PALM2AKAP2: variants seen among roughly 807,000 people sequenced by gnomAD.
PALM2AKAP2 encodes the protein PALM2-AKAP2 fusion protein.
In PALM2AKAP2, 37 loss-of-function variants were observed where a neutral mutation model predicts 71.5. The observed-to-expected ratio is 0.52, with a 90% CI of 0.40 to 0.68. The LOEUF is 0.68. PALM2AKAP2 is among the 30% of genes least tolerant of loss of function. PALM2AKAP2 has a pLI of 0.00. For missense variants in PALM2AKAP2, 1,224 were observed against 1,191.8 expected, an observed-to-expected ratio of 1.03 and a Z score of -0.40; for synonymous variants, 468 against 478.8, an observed-to-expected ratio of 0.98 and a Z score of 0.29.
chr9:110,001,138 T>C (rs1334799716), intron 6 of PALM2AKAP2, among the ~76,000 whole-genome samples: 1 of 152,266 alleles, frequency 6.6e-6, no homozygotes, highest in African/African-American at 2.4e-5. Flanking sequence ...AGAGTTTTTA[T>C]GGTTTTAGGT....
At chr9:109,967,690 G>A (rs753999852) in intron 6 of PALM2AKAP2, among the ~76,000 whole-genome samples, 25 of 152,332 alleles carry the variant, frequency 1.6e-4, no homozygotes, top group African/African-American at 4.1e-4. Flanking sequence ...GGTTACAGGC[G>A]TGAGCCACCG....
At chr9:109,680,423 C>A (rs1018238437) in intron 1 of PALM2AKAP2, among the ~76,000 whole-genome samples, 1 of 152,204 alleles carries the variant, frequency 6.6e-6, no homozygotes, top group African/African-American at 2.4e-5. Flanking sequence ...TGTCTTTGGA[C>A]ATTAACTCAA....
intron 3 of PALM2AKAP2, among the ~76,000 whole-genome samples, chr9:109,909,187 G>T: frequency 6.6e-6 from 1 of 152,206 alleles, no homozygotes; most frequent in Non-Finnish European, 1.5e-5. Flanking sequence ...CACACCTGGG[G>T]TTAGATGAAA....
intron 3 of PALM2AKAP2, among the ~76,000 whole-genome samples, chr9:109,885,838 C>G (rs1288889448): frequency 1.3e-5 from 2 of 152,190 alleles, no homozygotes; most frequent in Non-Finnish European, 2.9e-5. Flanking sequence ...TGATCCAGGT[C>G]AGGAAAACTG....
chr9:110,024,048 G>C (rs962756060), intron 7 of PALM2AKAP2, among the ~76,000 whole-genome samples: 1 of 151,966 alleles, frequency 6.6e-6, no homozygotes, highest in Non-Finnish European at 1.5e-5. Context: ...TCATTTTTCT[G>C]TTTCATTTTT....
At chr9:109,699,356 C>A (rs1828019452) in intron 1 of PALM2AKAP2, among the ~76,000 whole-genome samples, 1 of 152,184 alleles carries the variant, frequency 6.6e-6, no homozygotes, top group African/African-American at 2.4e-5. Context: ...GAAACTAGTT[C>A]TTGCCATTGG....
intron 1 of PALM2AKAP2, among the ~76,000 whole-genome samples, chr9:109,643,231 C>T (rs926258716): frequency 4.6e-5 from 7 of 152,166 alleles, no homozygotes; most frequent in Non-Finnish European, 1.0e-4. Context: ...CTTGGATATA[C>T]GGAACAGACT....
chr9:110,108,179 A>G (rs1436987469), intron 1 of PALM2AKAP2, among the ~76,000 whole-genome samples: 1 of 143,016 alleles, frequency 7.0e-6, no homozygotes, highest in Non-Finnish European at 1.5e-5. Flanking sequence ...GCAATGGCGC[A>G]ATCTTGGCTC....
At chr9:109,698,741 T>G (rs1158064067) in intron 1 of PALM2AKAP2, among the ~76,000 whole-genome samples, 1 of 152,196 alleles carries the variant, frequency 6.6e-6, no homozygotes, top group Non-Finnish European at 1.5e-5. Context: ...GCAGTGGTGG[T>G]CATTTATTTG....
chr9:110,093,254 ATGGC>A (rs1490028425), intron 1 of PALM2AKAP2, among the ~76,000 whole-genome samples: 6 of 150,902 alleles, frequency 4.0e-5, no homozygotes, highest in Non-Finnish European at 8.9e-5. Context: ...TGATTGTTTT[ATGGC>A]TTATGAGATG....
intron 1 of PALM2AKAP2, among the ~76,000 whole-genome samples, chr9:110,070,460 GTTTA>G (rs77713031): frequency 0.037 from 5,648 of 152,226 alleles, 136 homozygotes; most frequent in Middle Eastern, 0.075. Context: ...TAAAATCTCT[GTTTA>G]TTTGTGATTA....
At chr9:110,113,376 C>G (rs533466133) in intron 1 of PALM2AKAP2, among the ~76,000 whole-genome samples, 112 of 151,724 alleles carry the variant, frequency 7.4e-4, no homozygotes, top group African/African-American at 2.7e-3. Flanking sequence ...GTAGCTGGAA[C>G]TACAGGCGTG....
intron 6 of PALM2AKAP2, among the ~76,000 whole-genome samples, chr9:109,950,806 A>T (rs980577321): frequency 1.3e-5 from 2 of 152,194 alleles, no homozygotes; most frequent in African/African-American, 4.8e-5. Flanking sequence ...AAAATGAAAG[A>T]ACTATGCAAT....
intron 1 of PALM2AKAP2, among the ~76,000 whole-genome samples, chr9:109,818,235 T>C (rs1827901656): frequency 2.0e-5 from 3 of 151,362 alleles, no homozygotes; most frequent in African/African-American, 7.3e-5. Flanking sequence ...ACACAATCTC[T>C]TTTTTTTTGA....
At chr9:109,856,040 A>C (rs1441927406) in intron 1 of PALM2AKAP2, among the ~76,000 whole-genome samples, 1 of 152,150 alleles carries the variant, frequency 6.6e-6, no homozygotes, top group Non-Finnish European at 1.5e-5. Flanking sequence ...AAGAGGAAAA[A>C]CTGTCAAAAC....
At chr9:109,882,459 C>T (rs1829873601) in intron 3 of PALM2AKAP2, among the ~76,000 whole-genome samples, 2 of 152,178 alleles carry the variant, frequency 1.3e-5, no homozygotes, top group Non-Finnish European at 2.9e-5. Flanking sequence ...TATACTCACA[C>T]ACACCCGTGT....
At chr9:109,777,673 C>T (rs7038807), upstream of PALM2AKAP2, among the ~76,000 whole-genome samples, 43,131 of 152,110 alleles carry the variant, frequency 0.28, 7,006 homozygotes, top group Middle Eastern at 0.44. Flanking sequence ...TCATGGCTTA[C>T]TGACAGCCCT....
intron 1 of PALM2AKAP2, among the ~76,000 whole-genome samples, chr9:109,729,596 C>A (rs1047835163): frequency 1.3e-5 from 2 of 152,180 alleles, no homozygotes; most frequent in African/African-American, 4.8e-5. Context: ...TCCCCAACAG[C>A]CCCTTGGTAG....
intron 1 of PALM2AKAP2, among the ~76,000 whole-genome samples, chr9:110,084,632 A>T (rs545942259): frequency 6.6e-6 from 1 of 152,306 alleles, no homozygotes; most frequent in East Asian, 1.9e-4. Context: ...ATGCCATGTA[A>T]ATGCTGTGTA....
Sources: gnomAD v4.1 joint callset for allele counts (sites outside exome capture counted in the v4.1 genomes callset) on GRCh38, gnomAD v4.1.1 for gene constraint, MANE v1.5 for transcripts, NCBI Gene and HGNC (gene_info 2026-07-23, HGNC 2026-07-21) for gene names.